Variants in LRRTM4 observed in about 807,000 individuals in gnomAD.
LRRTM4 encodes the protein leucine-rich repeat transmembrane neuronal protein 4.
A neutral mutation model predicts 47.6 loss-of-function variants in LRRTM4; 25 were observed. The ratio of observed to expected loss-of-function variants is 0.53; its 90% CI spans 0.38 to 0.73. The LOEUF (loss-of-function observed/expected upper bound fraction) is 0.73. Among genes scored for constraint, LRRTM4 ranks in the 30% least tolerant of loss-of-function variants. The probability of loss-of-function intolerance (pLI) is 0.00; values close to 1 mark genes in which losing one functional copy is unlikely to be tolerated. For synonymous variants in LRRTM4, 311 were observed against 269.5 expected (o/e 1.15, Z -1.51); for missense variants, 638 against 713.4 (o/e 0.89, Z 1.20).
intron 3 of LRRTM4, among the ~76,000 whole-genome samples, chr2:77,046,205 A>G (rs1679230360): frequency 6.6e-6 from 1 of 151,984 alleles, no homozygotes; most frequent in Admixed American, 6.6e-5. Context: ...TGTGTTTTAC[A>G]CTGCAATAGA....
chr2:77,302,673 T>A (rs1408896061), intron 3 of LRRTM4, among the ~76,000 whole-genome samples: 1 of 152,216 alleles, frequency 6.6e-6, no homozygotes, highest in African/African-American at 2.4e-5. Context: ...TTTGTGCTGG[T>A]TATAGTAGAA....
chr2:77,070,260 C>T (rs569798153), intron 3 of LRRTM4, among the ~76,000 whole-genome samples: 1 of 152,028 alleles, frequency 6.6e-6, no homozygotes, highest in Non-Finnish European at 1.5e-5. Flanking sequence ...ACAATAAATG[C>T]TCCACAGGTT....
At chr2:76,841,507 TC>T (rs976004874) in intron 3 of LRRTM4, among the ~76,000 whole-genome samples, 10 of 152,070 alleles carry the variant, frequency 6.6e-5, no homozygotes, top group South Asian at 4.2e-4. Context: ...TCTTTAAAAG[TC>T]CTTTGTTACA....
At chr2:76,864,614 T>C (rs1672411925) in intron 3 of LRRTM4, among the ~76,000 whole-genome samples, 1 of 150,882 alleles carries the variant, frequency 6.6e-6, no homozygotes. Context: ...GAGCCGAGAT[T>C]GTGCCATTGC....
chr2:77,376,602 T>C (rs1411811042), intron 3 of LRRTM4, among the ~76,000 whole-genome samples: 1 of 151,744 alleles, frequency 6.6e-6, no homozygotes, highest in East Asian at 1.9e-4. Context: ...ATCTCAATCT[T>C]ATGCCGATTG....
At chr2:76,967,628 G>C (rs1479587184) in intron 3 of LRRTM4, among the ~76,000 whole-genome samples, 1 of 151,548 alleles carries the variant, frequency 6.6e-6, no homozygotes, top group East Asian at 2.0e-4. Flanking sequence ...TAATTCATCA[G>C]CCTTGCCATA....
intron 3 of LRRTM4, among the ~76,000 whole-genome samples, chr2:77,136,607 A>C (rs7571941): frequency 0.37 from 55,711 of 152,112 alleles, 11,462 homozygotes; most frequent in African/African-American, 0.56. Context: ...TCGCTAGGAA[A>C]AGAACAAAGC....
chr2:76,815,004 G>T (rs1325759608), intron 3 of LRRTM4, among the ~76,000 whole-genome samples: 1 of 152,120 alleles, frequency 6.6e-6, no homozygotes, highest in Non-Finnish European at 1.5e-5. Context: ...CTGTTGGAGA[G>T]GTGTGGCGGG....
At chr2:76,846,819 T>C (rs1671849770) in intron 3 of LRRTM4, among the ~76,000 whole-genome samples, 1 of 152,150 alleles carries the variant, frequency 6.6e-6, no homozygotes, top group Non-Finnish European at 1.5e-5. Context: ...TCCTAGAAAT[T>C]TTCATGGATA....
At chr2:77,214,951 A>G (rs903903964) in intron 3 of LRRTM4, among the ~76,000 whole-genome samples, 1 of 152,114 alleles carries the variant, frequency 6.6e-6, no homozygotes, top group Admixed American at 6.6e-5. Context: ...TCTTTAGCTT[A>G]AATAAAATCA....
chr2:76,950,979 C>T (rs1326705597), intron 3 of LRRTM4, among the ~76,000 whole-genome samples: 1 of 151,922 alleles, frequency 6.6e-6, no homozygotes. Flanking sequence ...AGGAGGAATC[C>T]ATCAATGTGA....
chr2:76,942,911 G>T (rs1675200613), intron 3 of LRRTM4, among the ~76,000 whole-genome samples: 1 of 151,960 alleles, frequency 6.6e-6, no homozygotes, highest in South Asian at 2.1e-4. Flanking sequence ...AATAATTAAG[G>T]CTGGCATGTT....
At chr2:76,816,819 G>GTTTTTTTTTTTTTTTTTTTTTTT (rs201525166) in intron 3 of LRRTM4, among the ~76,000 whole-genome samples, 1 of 96,568 alleles carries the variant, frequency 1.0e-5, no homozygotes. Context: ...GAGGTAAAGA[G>GTTTTTTTTTTTTTTTTTTTTTTT]TTTTTTTTTT....
At chr2:77,248,480 A>T (rs1675509903) in intron 3 of LRRTM4, among the ~76,000 whole-genome samples, 1 of 152,132 alleles carries the variant, frequency 6.6e-6, no homozygotes, top group South Asian at 2.1e-4. Flanking sequence ...CCCAAATGAT[A>T]TATAAATTCA....
At chr2:77,481,456 G>A (rs1249239760) in intron 3 of LRRTM4, among the ~76,000 whole-genome samples, 1 of 152,096 alleles carries the variant, frequency 6.6e-6, no homozygotes, top group Non-Finnish European at 1.5e-5. Context: ...ACAGATTAGG[G>A]TAAATGGATT....
chr2:77,069,401 A>ATGTGTGTGTGTGTGTGTGTGTG (rs3058064), intron 3 of LRRTM4, among the ~76,000 whole-genome samples: 5 of 141,474 alleles, frequency 3.5e-5, no homozygotes, highest in South Asian at 2.3e-4. Flanking sequence ...ACATTTCACT[A>ATGTGTGTGTGTGTGTGTGTGTG]TGTGTGTGTG....
intron 3 of LRRTM4, among the ~76,000 whole-genome samples, chr2:77,312,350 C>G (rs1352814879): frequency 6.6e-6 from 1 of 152,024 alleles, no homozygotes; most frequent in Non-Finnish European, 1.5e-5. Context: ...CTATTGAATC[C>G]TATTTAGTTG....
intron 3 of LRRTM4, among the ~76,000 whole-genome samples, chr2:77,108,944 T>G (rs1195058476): frequency 1.3e-5 from 2 of 152,208 alleles, no homozygotes. Context: ...TAAAATTATT[T>G]AAAACTTTAA....
At chr2:77,098,050 A>C (rs971906085) in intron 3 of LRRTM4, among the ~76,000 whole-genome samples, 19 of 152,158 alleles carry the variant, frequency 1.2e-4, no homozygotes, top group African/African-American at 4.3e-4. Flanking sequence ...TTGTGATGAT[A>C]AATTTGAAGA....
Sources: allele counts gnomAD v4.1 joint callset (sites outside exome capture counted in the v4.1 genomes callset), GRCh38; gene constraint gnomAD v4.1.1; transcripts MANE v1.5; gene names NCBI Gene and HGNC (gene_info 2026-07-23, HGNC 2026-07-21).